TACC1: variants seen among roughly 807,000 people sequenced by gnomAD.
TACC1 encodes transforming acidic coiled-coil containing protein 1.
Under a neutral mutation model 84.4 loss-of-function variants are expected in TACC1, and 48 were observed. That is an observed-to-expected ratio of 0.57 (90% CI 0.45 to 0.72). TACC1 has a LOEUF of 0.72. Among genes scored for constraint, TACC1 ranks in the 30% least tolerant of loss-of-function variants. The pLI is 0.00. For missense variants in TACC1, 920 were observed against 973.0 expected, an observed-to-expected ratio of 0.95 and a Z score of 0.72; for synonymous variants, 372 against 376.3, an observed-to-expected ratio of 0.99 and a Z score of 0.13.
intron 7 of TACC1, 131 bp downstream of exon 7, chr8:38,836,418 AG>A (rs1385759768): frequency 8.0e-7 from 1 of 1,256,216 alleles, no homozygotes; most frequent in African/African-American, 1.5e-5. Flanking sequence ...CAGCTTGTTT[AG>A]GTCGTAAAAG....
Position 38,851,865 on chromosome 8 carries a change from C to T in TACC1, c.*3842C>T, listed in dbSNP as rs1374962630. The T allele has an allele frequency of 6.6e-6, 3 of 453,830 alleles. No homozygotes were observed. The highest frequency in any genetic ancestry group is 2.0e-5 in the African/African-American group (1 of 50,110). The allele number at this position is 453,830 out of a possible 1,614,324, so 28.1% of individuals were successfully genotyped here. A position where few individuals can be genotyped will look rare whatever the true frequency, so the allele number is the denominator to read the frequency against. On this transcript the variant is annotated 3_prime_UTR_variant, in exon 13 of 13. Coordinates refer to ENST00000317827, the MANE Select transcript of TACC1 (RefSeq NM_006283.3). The stretch of plus-strand genomic sequence containing the variant: ...AATCCCAGAATGTCAAGCCAAAGGT[C>T]TAAGAAGTCATCTCCTTCAAATACT...
chr8:38,851,852 T>A lies in TACC1; in HGVS notation c.*3829T>A. 2.2e-6 allele frequency: 1 copy of A among 446,326 alleles called. No individual in the cohort carries two copies. The highest frequency in any genetic ancestry group is 4.5e-6 in the Non-Finnish European group (1 of 221,944). 27.6% of individuals were successfully genotyped at this position (446,326 alleles called of 1,614,324 possible). ...AATATAGTCTGGGAATCCCAGAATG[T>A]CAAGCCAAAGGTCTAAGAAGTCATC... On this transcript the variant is annotated 3_prime_UTR_variant, in exon 13 of 13. Transcript: ENST00000317827.
intron 3 of TACC1, among the ~76,000 whole-genome samples, chr8:38,773,662 G>A (rs1814180762): frequency 1.3e-5 from 2 of 151,298 alleles, no homozygotes; most frequent in African/African-American, 4.9e-5. Context: ...ACATGCTTGT[G>A]TATATGTAAG....
chr8:38,829,085 G>A (rs1005458680), intron 5 of TACC1, among the ~76,000 whole-genome samples: 4 of 152,036 alleles, frequency 2.6e-5, no homozygotes, highest in African/African-American at 9.7e-5. Flanking sequence ...TTACATCCTT[G>A]GCCTTAAACT....
chr8:38,769,964 AGAGT>A (rs1230338226), intron 3 of TACC1, among the ~76,000 whole-genome samples: 1 of 144,976 alleles, frequency 6.9e-6, no homozygotes, highest in Non-Finnish European at 1.5e-5. Flanking sequence ...TGTGTGAGAG[AGAGT>A]GGGTATGGGT....
At chr8:38,835,754 A>G (rs989673613) in intron 6 of TACC1, among the ~76,000 whole-genome samples, 2 of 152,394 alleles carry the variant, frequency 1.3e-5, no homozygotes, top group South Asian at 2.1e-4. Flanking sequence ...AATATGTAAC[A>G]GGAGCAGCTG....
In TACC1 at chr8:38,820,270, C is replaced by A. The variant is rs1455562805; in HGVS notation, c.1026C>A (p.Gly342=). 6.2e-7 allele frequency: 1 copy of A among 1,614,118 alleles called. No homozygotes were observed. Among genetic ancestry groups the A allele is most frequent in the South Asian group, 1.1e-5 (1 of 91,080 alleles). The part of the protein sequence containing the change: ...EARKALPRKL[G]RKLGSTLTPK... ...GGAAAGCCCTTCCAAGGAAGCTTGGCAGGAAACTGGGTAGCACACTGACTC... is the reference window on the plus strand; with the variant it reads ...GGAAAGCCCTTCCAAGGAAGCTTGGAAGGAAACTGGGTAGCACACTGACTC... The change falls in exon 3 of 13, where the codon GGC becomes GGA. Residue 342 remains glycine, a synonymous_variant. Transcript: ENST00000317827.
chr8:38,754,869 A>C (rs990807005), intron 3 of TACC1, among the ~76,000 whole-genome samples: 1 of 152,180 alleles, frequency 6.6e-6, no homozygotes, highest in Non-Finnish European at 1.5e-5. Flanking sequence ...CTGCTACATA[A>C]AAGAGAGATC....
At chr8:38,796,526 A>G (rs1424441245) in intron 2 of TACC1, among the ~76,000 whole-genome samples, 1 of 152,272 alleles carries the variant, frequency 6.6e-6, no homozygotes, top group African/African-American at 2.4e-5. Context: ...ATTCTGAAGT[A>G]TGAAATGTAT....
chr8:38,844,324 C>T (rs1262950021), intron 11 of TACC1, among the ~76,000 whole-genome samples: 1 of 152,052 alleles, frequency 6.6e-6, no homozygotes, highest in African/African-American at 2.4e-5. Flanking sequence ...AGGCACACGC[C>T]ACCACACCCG....
chr8:38,775,268 CTT>C (rs1587542052), intron 3 of TACC1, among the ~76,000 whole-genome samples: 2 of 152,138 alleles, frequency 1.3e-5, no homozygotes, highest in Non-Finnish European at 2.9e-5. Context: ...AGTAAACCTT[CTT>C]CCAAAAAGAA....
At chr8:38,816,124 A>C (rs1281543320) in intron 2 of TACC1, among the ~76,000 whole-genome samples, 1 of 152,206 alleles carries the variant, frequency 6.6e-6, no homozygotes, top group Non-Finnish European at 1.5e-5. Context: ...AAAAGTCTGT[A>C]AGAGGAGCAG....
At chr8:38,750,837 A>C in intron 3 of TACC1, among the ~76,000 whole-genome samples, 1 of 152,350 alleles carries the variant, frequency 6.6e-6, no homozygotes, top group South Asian at 2.1e-4. Context: ...CAAAGTCTCA[A>C]TATTGTTAAG....
At chr8:38,831,223 A>G (rs1829167677) in intron 6 of TACC1, 46 bp downstream of exon 6, 1 of 1,601,954 alleles carries the variant, frequency 6.2e-7, no homozygotes, top group African/African-American at 1.3e-5. Context: ...GGTTTCTTTC[A>G]GTATTTGTTT....
intron 3 of TACC1, among the ~76,000 whole-genome samples, chr8:38,768,926 CTA>C (rs760084278): frequency 1.6e-4 from 21 of 129,040 alleles, no homozygotes; most frequent in Admixed American, 5.4e-4. Flanking sequence ...GTGTGTGTGA[CTA>C]TGTGTGTGGG....
Position 38,816,815 on chromosome 8 carries a change from A to T in TACC1, c.278-2707A>T, listed in dbSNP as rs138195802. 2.0e-5 allele frequency among the ~76,000 whole-genome samples: 3 copies of T among 152,296 alleles called. No homozygotes were observed. The East Asian group carries it at 5.8e-4, about 29-fold the overall frequency. ...ATTTAGGGGTATTTATAGAGGTTTCATCATGTAGGTGTGATTGATTAAATT... is the reference window on the plus strand; with the variant it reads ...ATTTAGGGGTATTTATAGAGGTTTCTTCATGTAGGTGTGATTGATTAAATT... On this transcript the variant is annotated intron_variant, in intron 2 of 12. Coordinates refer to ENST00000317827, the MANE Select transcript of TACC1 (RefSeq NM_006283.3).
intron 6 of TACC1, among the ~76,000 whole-genome samples, chr8:38,834,795 G>A (rs370768910): frequency 1.3e-5 from 2 of 152,158 alleles, no homozygotes; most frequent in African/African-American, 2.4e-5. Context: ...ACTCATCTAC[G>A]TTCACCTTGG....
chr8:38,742,324 C>A, intron 1 of TACC1: 1 of 1,047,006 alleles, frequency 9.6e-7, no homozygotes, highest in Non-Finnish European at 1.3e-6. Context: ...AAGCATGTGA[C>A]TCCCACCTGA....
Position 38,820,740 on chromosome 8 carries a change from C to T in TACC1, c.1391+105C>T, listed in dbSNP as rs569451717. The stretch of plus-strand genomic sequence containing the variant: ...GAACTGAATTTACCTTTGAGGTGCA[C>T]CGAGGTTCATACAAAGCTTATAATG... On this transcript the variant is annotated intron_variant, in intron 3 of 12. Transcript: ENST00000317827. 36 of 1,461,200 alleles carry T rather than the reference C, an allele frequency of 2.5e-5. No individual in the cohort carries two copies. In the African/African-American group the frequency reaches 4.6e-4, roughly 19 times the overall value. 90.5% of individuals were successfully genotyped at this position (1,461,200 alleles called of 1,614,324 possible).
Sources: gnomAD v4.1 joint callset for allele counts (sites outside exome capture counted in the v4.1 genomes callset) on GRCh38, gnomAD v4.1.1 for gene constraint, MANE v1.5 for transcripts, NCBI Gene and HGNC (gene_info 2026-07-23, HGNC 2026-07-21) for gene names.